SHOC1: variants seen among roughly 807,000 people sequenced by gnomAD.
SHOC1 encodes the protein shortage in chiasmata 1.
SHOC1 carries 136 observed loss-of-function variants against 179.2 expected under a neutral mutation model. That is an observed-to-expected ratio of 0.76 (90% CI 0.66 to 0.87). The LOEUF (loss-of-function observed/expected upper bound fraction) is 0.87. Ranked by LOEUF, SHOC1 falls within the 40% of genes least tolerant of loss-of-function variation. The pLI, the probability that SHOC1 is intolerant of heterozygous loss-of-function variation, is 0.00. For synonymous variants in SHOC1, 489 were observed against 586.6 expected (o/e 0.83, Z 2.41); for missense variants, 1,538 against 1,700.8 (o/e 0.90, Z 1.68).
At chr9:111,729,816 T>G (rs931321607) in intron 12 of SHOC1, among the ~76,000 whole-genome samples, 10 of 150,314 alleles carry the variant, frequency 6.7e-5, no homozygotes, top group African/African-American at 2.4e-4. Flanking sequence ...CGCTTGAACC[T>G]GAGAGGCGGA....
At chr9:111,744,967 A>C (rs1456699051) in intron 10 of SHOC1, among the ~76,000 whole-genome samples, 1 of 152,232 alleles carries the variant, frequency 6.6e-6, no homozygotes, top group Non-Finnish European at 1.5e-5. Flanking sequence ...CTAGCCCTGC[A>C]GTATCAATTC....
chr9:111,748,002 TCA>T, intron 9 of SHOC1, 88 bp downstream of exon 9: 1 of 764,000 alleles, frequency 1.3e-6, no homozygotes, highest in Non-Finnish European at 2.2e-6. Flanking sequence ...GGAAACTGAC[TCA>T]CAGTACACTG....
chr9:111,738,956 T>TAGTC (rs200578740), intron 11 of SHOC1, among the ~76,000 whole-genome samples: 2,016 of 152,224 alleles, frequency 0.013, 54 homozygotes, highest in African/African-American at 0.046. Flanking sequence ...ATCTTAGATA[T>TAGTC]TGTGGTACAG....
At chr9:111,753,485 A>G (rs1372630701) in intron 8 of SHOC1, among the ~76,000 whole-genome samples, 2 of 152,234 alleles carry the variant, frequency 1.3e-5, no homozygotes, top group Admixed American at 1.3e-4. Context: ...ATACCATATC[A>G]AAAGGATAAA....
At chr9:111,791,030 G>A (rs998949998) in intron 2 of SHOC1, among the ~76,000 whole-genome samples, 1 of 152,150 alleles carries the variant, frequency 6.6e-6, no homozygotes, top group Non-Finnish European at 1.5e-5. Context: ...CCAATGGGTG[G>A]TGAAGATACT....
intron 10 of SHOC1, among the ~76,000 whole-genome samples, chr9:111,742,199 T>C (rs1334244295): frequency 3.3e-5 from 5 of 152,142 alleles, no homozygotes; most frequent in Admixed American, 6.5e-5. Flanking sequence ...CTTCCCTCCA[T>C]AAACTATGCT....
chr9:111,791,559 ATGAT>A, intron 1 of SHOC1, 105 bp from the exon 2 acceptor site: 2 of 429,212 alleles, frequency 4.7e-6, no homozygotes, highest in East Asian at 7.3e-5. Flanking sequence ...AAGGCTCTGA[ATGAT>A]AATCATTGGT....
chr9:111,731,932 A>G (rs927141193), intron 12 of SHOC1, among the ~76,000 whole-genome samples: 1 of 152,220 alleles, frequency 6.6e-6, no homozygotes, highest in Non-Finnish European at 1.5e-5. Flanking sequence ...TTCCATTTGT[A>G]AAAGACACAA....
chr9:111,729,820 A>C (rs1483426465), intron 12 of SHOC1, among the ~76,000 whole-genome samples: 1 of 150,570 alleles, frequency 6.6e-6, no homozygotes, highest in Non-Finnish European at 1.5e-5. Context: ...TGAACCTGAG[A>C]GGCGGAGGGT....
chr9:111,689,600 AATAAATTTTTTTTAAT>A (rs371547952), intron 27 of SHOC1, among the ~76,000 whole-genome samples: 88,176 of 150,810 alleles, frequency 0.58, 27,437 homozygotes, highest in East Asian at 0.8. Flanking sequence ...ACTATGGAAA[AATAAATTTTTTTTAAT>A]TTAAATAAAA....
intron 7 of SHOC1, 143 bp from the exon 8 acceptor site, chr9:111,756,621 T>G: frequency 1.5e-6 from 1 of 659,996 alleles, no homozygotes; most frequent in Non-Finnish European, 2.5e-6. Context: ...CTATATATAC[T>G]TTAAAAAAAC....
At chr9:111,730,895 GT>G (rs1207603097) in intron 12 of SHOC1, among the ~76,000 whole-genome samples, 1 of 152,178 alleles carries the variant, frequency 6.6e-6, no homozygotes, top group Non-Finnish European at 1.5e-5. Flanking sequence ...AATATCTGTT[GT>G]TTAGTGTAGC....
rs200313878 is a variant in SHOC1, at chr9:111,691,755, G to A, written c.4222C>T (p.Leu1408Phe). 5.6e-6 allele frequency: 9 copies of A among 1,613,976 alleles called. No homozygotes were observed. The African/African-American group carries it at 1.2e-4, about 22-fold the overall frequency. ...QKCLSDESEG[L>F]TCESSKDETF... is the part of the protein sequence containing the mutation. ...TCATCTTTTGAACTTTCACATGTGA[G>A]GCCTTCAGACTCATCTGATAGACAT... is the stretch of plus-strand genomic sequence containing the variant. Residue 1408 changes from leucine (L) to phenylalanine (F), a missense_variant, in exon 27 of 28, where the codon CTC (leucine) becomes TTC (phenylalanine). Physicochemically the swap from Leu to Phe is conservative, Grantham distance 22 (BLOSUM62 0). Transcript: ENST00000682961.
chr9:111,790,379 T>C (rs1836407061), intron 2 of SHOC1, among the ~76,000 whole-genome samples: 1 of 152,182 alleles, frequency 6.6e-6, no homozygotes, highest in African/African-American at 2.4e-5. Flanking sequence ...TTAGTATGAT[T>C]TTATAGAGAT....
chr9:111,729,502 A>G (rs1833468308), intron 12 of SHOC1, among the ~76,000 whole-genome samples: 1 of 152,204 alleles, frequency 6.6e-6, no homozygotes, highest in Non-Finnish European at 1.5e-5. Context: ...CTAAGACAAC[A>G]ATGAAGTTTG....
intron 27 of SHOC1, among the ~76,000 whole-genome samples, chr9:111,688,870 T>C (rs1005508882): frequency 6.6e-6 from 1 of 152,178 alleles, no homozygotes; most frequent in Non-Finnish European, 1.5e-5. Flanking sequence ...AAATTTATTC[T>C]GAGCCCTGAT....
intron 20 of SHOC1, 29 bp from the exon 21 acceptor site, chr9:111,705,393 C>A: frequency 9.0e-7 from 1 of 1,109,752 alleles, no homozygotes; most frequent in Non-Finnish European, 1.3e-6. Context: ...ATAAATATTT[C>A]TCTTTTATTC....
At chr9:111,746,469 G>T in intron 9 of SHOC1, 127 bp from the exon 10 acceptor site, 1 of 536,546 alleles carries the variant, frequency 1.9e-6, no homozygotes, top group Non-Finnish European at 3.3e-6. Flanking sequence ...GAGTCCAGGA[G>T]TTTAAGACCT....
At chr9:111,699,649 T>G (rs963127513) in intron 24 of SHOC1, among the ~76,000 whole-genome samples, 1 of 152,168 alleles carries the variant, frequency 6.6e-6, no homozygotes, top group Non-Finnish European at 1.5e-5. Context: ...GATACAAGCT[T>G]AGTACATCTT....
Sources: gnomAD v4.1 joint callset for allele counts (sites outside exome capture counted in the v4.1 genomes callset) on GRCh38, gnomAD v4.1.1 for gene constraint, MANE v1.5 for transcripts, NCBI Gene and HGNC (gene_info 2026-07-23, HGNC 2026-07-21) for gene names.